The following CLIC5 variants were observed in gnomAD, a reference collection of about 807,000 sequenced individuals.
CLIC5 encodes CLIC family member 5, also known as chloride intracellular channel protein 5.
In CLIC5, 20 loss-of-function variants were observed where a neutral mutation model predicts 24.7. That is an observed-to-expected ratio of 0.81 (90% CI 0.57 to 1.18). The LOEUF is 1.18. CLIC5 is among the 50% of genes most tolerant of loss of function. The pLI, the probability that CLIC5 is intolerant of heterozygous loss-of-function variation, is 0.00. For synonymous variants in CLIC5, 159 were observed against 135.6 expected (o/e 1.17, Z -1.20); for missense variants, 341 against 326.1 (o/e 1.05, Z -0.35).
chr6:46,100,618 A>T, the CLIC5 span, among the ~76,000 whole-genome samples: 1 of 152,256 alleles, frequency 6.6e-6, no homozygotes, highest in Non-Finnish European at 1.5e-5. Context: ...ATTCATGAAC[A>T]TCATTGTATT....
chr6:45,912,627 A>T, intron 5 of CLIC5: 1 of 1,494,334 alleles, frequency 6.7e-7, no homozygotes. Context: ...TCATGCTGCT[A>T]GTTGGCAGCA....
intron 5 of CLIC5, among the ~76,000 whole-genome samples, chr6:45,909,163 C>T (rs897773300): frequency 6.6e-6 from 1 of 151,862 alleles, no homozygotes; most frequent in Non-Finnish European, 1.5e-5. Context: ...TACTTTGAGC[C>T]TATGGGTGTT....
At chr6:45,881,673 A>C (rs1231478202) in intron 6 of CLIC5, among the ~76,000 whole-genome samples, 2 of 152,134 alleles carry the variant, frequency 1.3e-5, no homozygotes. Context: ...AATTTTAGGG[A>C]AATTTGATCC....
rs138637284 is a variant in CLIC5, at chr6:45,974,006, A to T, written c.64-18762T>A. 2.0e-4 allele frequency among the ~76,000 whole-genome samples: 30 copies of T among 152,284 alleles called. No individual in the cohort carries two copies. The East Asian group carries it at 4.6e-3, about 24-fold the overall frequency. ...GAATAGTATACAGCTATTTAAAAGC[A>T]TGAGTTTGATTCTTATGTATTATTC... On this transcript the variant is annotated intron_variant, in intron 1 of 5. Transcript: ENST00000339561.
At chr6:45,970,826 C>G (rs1407337120) in intron 1 of CLIC5, among the ~76,000 whole-genome samples, 1 of 152,150 alleles carries the variant, frequency 6.6e-6, no homozygotes, top group African/African-American at 2.4e-5. Flanking sequence ...GCATTCTGCA[C>G]CCTTACCTAT....
At chr6:45,890,287 C>T (rs780277842) in intron 6 of CLIC5, among the ~76,000 whole-genome samples, 2 of 151,866 alleles carry the variant, frequency 1.3e-5, no homozygotes, top group Non-Finnish European at 2.9e-5. Flanking sequence ...GAAGACATAC[C>T]AATGGCCAAC....
At chr6:45,895,206 A>C (rs1762383169), downstream of CLIC5, among the ~76,000 whole-genome samples, 1 of 152,152 alleles carries the variant, frequency 6.6e-6, no homozygotes, top group African/African-American at 2.4e-5. Flanking sequence ...CATTCGTTTA[A>C]ACCTTATTTA....
the CLIC5 span, among the ~76,000 whole-genome samples, chr6:46,108,279 G>A: frequency 6.6e-6 from 1 of 151,710 alleles, no homozygotes; most frequent in African/African-American, 2.4e-5. Context: ...ATATTCATAA[G>A]AGATAGTAAA....
chr6:45,929,926 G>C (rs73735485), intron 4 of CLIC5, among the ~76,000 whole-genome samples: 1,903 of 152,348 alleles, frequency 0.012, 41 homozygotes, highest in African/African-American at 0.043. Flanking sequence ...GAATGAGAAG[G>C]GGGGTGCCGC....
chr6:45,914,458 A>C (rs750650654), intron 4 of CLIC5, 49 bp from the exon 5 acceptor site: 1 of 1,517,516 alleles, frequency 6.6e-7, no homozygotes, highest in Admixed American at 1.9e-5. Context: ...TTGCCAGTGG[A>C]TACAGTCATA....
intron 1 of CLIC5, among the ~76,000 whole-genome samples, chr6:45,990,346 G>A (rs1353904631): frequency 1.3e-5 from 2 of 152,172 alleles, no homozygotes; most frequent in Non-Finnish European, 2.9e-5. Flanking sequence ...CAGTGAGTTA[G>A]GGGCAGCTAA....
intron 1 of CLIC5, among the ~76,000 whole-genome samples, chr6:45,959,780 AGACTT>A: frequency 6.6e-6 from 1 of 152,252 alleles, no homozygotes; most frequent in East Asian, 1.9e-4. Context: ...CACAACCATC[AGACTT>A]TGGAATGCAG....
At position 45,906,948 on chromosome 6, in the gene CLIC5, T is replaced by C. The variant is rs151268625; in HGVS notation, c.589-3693A>G. ...TGAAGTCTTTAGGGTTTTTGAGGAA[T>C]AGAATCACATCACCAGTAAAGAGAG... On this transcript the variant is annotated intron_variant, in intron 5 of 5. Transcript: ENST00000339561. 2.6e-5 allele frequency among the ~76,000 whole-genome samples: 4 copies of C among 152,352 alleles called. No individual in the cohort carries two copies. In the East Asian group the frequency reaches 7.7e-4, roughly 29 times the overall value.
intron 6 of CLIC5, among the ~76,000 whole-genome samples, chr6:45,884,863 C>T (rs972243706): frequency 2.0e-5 from 3 of 151,692 alleles, no homozygotes; most frequent in Admixed American, 6.6e-5. Context: ...GGGTCTGGTA[C>T]CCCCAACTCC....
chr6:45,971,647 G>A (rs1160522315), intron 1 of CLIC5, among the ~76,000 whole-genome samples: 1 of 152,202 alleles, frequency 6.6e-6, no homozygotes, highest in Non-Finnish European at 1.5e-5. Context: ...GAATGGCAAA[G>A]AAACATTGCA....
chr6:45,962,059 T>TACACAC (rs1409942237), intron 1 of CLIC5, among the ~76,000 whole-genome samples: 1 of 94,798 alleles, frequency 1.1e-5, no homozygotes, highest in Admixed American at 1.2e-4. Flanking sequence ...CACATATATG[T>TACACAC]ACATACACAC....
intron 1 of CLIC5, among the ~76,000 whole-genome samples, chr6:45,990,205 C>A (rs1305529235): frequency 6.6e-6 from 1 of 152,172 alleles, no homozygotes; most frequent in East Asian, 1.9e-4. Flanking sequence ...TCAAACAAAA[C>A]AAGGTAGACT....
intron 4 of CLIC5, among the ~76,000 whole-genome samples, chr6:45,914,756 C>A (rs1240463914): frequency 6.6e-6 from 1 of 151,712 alleles, no homozygotes; most frequent in Non-Finnish European, 1.5e-5. Context: ...ATCGAAACCA[C>A]CCTAGCCAAT....
At chr6:46,041,551 A>G (rs2127460736) in intron 1 of CLIC5, among the ~76,000 whole-genome samples, 1 of 152,354 alleles carries the variant, frequency 6.6e-6, no homozygotes, top group East Asian at 1.9e-4. Flanking sequence ...GCTTAGGAAG[A>G]AGTTTCAAAA....
Sources: allele counts gnomAD v4.1 joint callset (sites outside exome capture counted in the v4.1 genomes callset), GRCh38; gene constraint gnomAD v4.1.1; transcripts MANE v1.5; gene names NCBI Gene and HGNC (gene_info 2026-07-23, HGNC 2026-07-21).